The following FBXL20 variants were observed in gnomAD, a reference collection of about 807,000 sequenced individuals.
FBXL20 encodes F-box and leucine rich repeat protein 20, also known as F-box/LRR-repeat protein 20.
In FBXL20, 11 loss-of-function variants were observed where a neutral mutation model predicts 64.0. That is an observed-to-expected ratio of 0.17 (90% CI 0.11 to 0.28). FBXL20 has a LOEUF of 0.28. Among genes scored for constraint, FBXL20 ranks in the 10% least tolerant of loss-of-function variants. The probability of loss-of-function intolerance (pLI) is 1.00; values close to 1 mark genes in which losing one functional copy is unlikely to be tolerated. For synonymous variants in FBXL20, 184 were observed against 189.0 expected (o/e 0.97, Z 0.22); for missense variants, 303 against 526.2 (o/e 0.58, Z 4.15).
rs935608716 is a variant in FBXL20 at position 39,352,510 on chromosome 17, T to A, written c.43-9269A>T. ...GACTGGCCAACATGGTGAAACCCCATCTCTACTAAAAAATACAAAAATCAG... is the reference window on the plus strand; with the variant it reads ...GACTGGCCAACATGGTGAAACCCCAACTCTACTAAAAAATACAAAAATCAG... On this transcript the variant is annotated intron_variant, in intron 1 of 14. Coordinates refer to ENST00000264658, the MANE Select transcript of FBXL20 (RefSeq NM_032875.3). Among the ~76,000 whole-genome samples the A allele has an allele frequency of 5.3e-5, 8 of 151,676 alleles. 1 individual carries two copies. In the South Asian group the frequency reaches 1.5e-3, roughly 28 times the overall value.
chr17:39,300,851 G>A, intron 4 of FBXL20, 150 bp downstream of exon 4: 1 of 634,780 alleles, frequency 1.6e-6, no homozygotes, highest in Non-Finnish European at 2.6e-6. Flanking sequence ...AGAAACCCTT[G>A]GTAACTTTGG....
intron 2 of FBXL20, among the ~76,000 whole-genome samples, chr17:39,308,089 GCA>G (rs2047199029): frequency 6.6e-6 from 1 of 151,822 alleles, no homozygotes; most frequent in African/African-American, 2.4e-5. Context: ...TATAATCCTA[GCA>G]CTCTGGGAGG....
chr17:39,378,497 G>C (rs1010122620), intron 1 of FBXL20, among the ~76,000 whole-genome samples: 5 of 152,046 alleles, frequency 3.3e-5, no homozygotes, highest in Non-Finnish European at 5.9e-5. Flanking sequence ...TTCTACAAAG[G>C]AGATAGACAA....
chr17:39,338,146 T>G (rs370076634), intron 2 of FBXL20, among the ~76,000 whole-genome samples: 3 of 152,214 alleles, frequency 2.0e-5, no homozygotes, highest in East Asian at 3.8e-4. Context: ...GCCGTGTCTG[T>G]GTAGAAGGAA....
intron 1 of FBXL20, among the ~76,000 whole-genome samples, chr17:39,392,572 A>G (rs1370173777): frequency 2.0e-5 from 3 of 152,186 alleles, no homozygotes; most frequent in Non-Finnish European, 4.4e-5. Flanking sequence ...AATGCTCTAC[A>G]CTTAAGAACC....
At chr17:39,354,237 G>A (rs1346093941) in intron 1 of FBXL20, among the ~76,000 whole-genome samples, 1 of 152,190 alleles carries the variant, frequency 6.6e-6, no homozygotes, top group Non-Finnish European at 1.5e-5. Flanking sequence ...TACCAACGGG[G>A]AAAACAAATA....
chr17:39,378,270 C>T (rs781421561), intron 1 of FBXL20, among the ~76,000 whole-genome samples: 1 of 152,040 alleles, frequency 6.6e-6, no homozygotes, highest in Non-Finnish European at 1.5e-5. Context: ...GTATCCAAAA[C>T]GAAGAACTCT....
At chr17:39,387,833 C>T (rs2048097364) in intron 1 of FBXL20, among the ~76,000 whole-genome samples, 1 of 152,136 alleles carries the variant, frequency 6.6e-6, no homozygotes, top group Admixed American at 6.6e-5. Flanking sequence ...CCACCTTGGT[C>T]TCGCAAAGTG....
intron 2 of FBXL20, among the ~76,000 whole-genome samples, chr17:39,330,635 A>G (rs975934298): frequency 6.6e-6 from 1 of 152,210 alleles, no homozygotes. Context: ...AAATAAATAG[A>G]TTAATTAAAT....
intron 1 of FBXL20, among the ~76,000 whole-genome samples, chr17:39,351,139 A>T (rs1357095326): frequency 3.3e-5 from 5 of 152,132 alleles, no homozygotes; most frequent in Non-Finnish European, 5.9e-5. Flanking sequence ...GTTCGAGATC[A>T]GCCTGGCTAA....
At chr17:39,265,592 A>C in intron 12 of FBXL20, 139 bp from the exon 13 acceptor site, 1 of 509,562 alleles carries the variant, frequency 2.0e-6, no homozygotes, top group South Asian at 3.5e-5. Flanking sequence ...CTGCAGCCTA[A>C]AACTTCTGGG....
intron 1 of FBXL20, among the ~76,000 whole-genome samples, chr17:39,388,569 C>T (rs541674744): frequency 1.8e-3 from 265 of 151,100 alleles, no homozygotes; most frequent in Non-Finnish European, 3.0e-3. Flanking sequence ...TTGCAACCTC[C>T]GCCTCTCGGG....
chr17:39,379,391 A>C (rs2144651441), intron 1 of FBXL20, among the ~76,000 whole-genome samples: 1 of 149,068 alleles, frequency 6.7e-6, no homozygotes, highest in Non-Finnish European at 1.5e-5. Flanking sequence ...AGAAATTCTA[A>C]CTTTGGGAGG....
rs118114390 is a variant in FBXL20, at chr17:39,273,967, G to A, written c.827+1003C>T. ...TAGCTCACTGCTGTCTTGACCTCCTGGGCTCAAGTGATCCTCTCACTTTAG... is the reference window on the plus strand; with the variant it reads ...TAGCTCACTGCTGTCTTGACCTCCTAGGCTCAAGTGATCCTCTCACTTTAG... On this transcript the variant is annotated intron_variant, in intron 10 of 14. Coordinates refer to ENST00000264658, the MANE Select transcript of FBXL20 (RefSeq NM_032875.3). Among the ~76,000 whole-genome samples the A allele has an allele frequency of 1.8e-4, 27 of 152,110 alleles. No homozygotes were observed. In the East Asian group the frequency reaches 5.1e-3, roughly 28 times the overall value.
intron 6 of FBXL20, among the ~76,000 whole-genome samples, chr17:39,287,544 CTACAGA>C (rs2046999609): frequency 6.6e-6 from 1 of 152,112 alleles, no homozygotes; most frequent in Non-Finnish European, 1.5e-5. Flanking sequence ...GTAGCAAGGA[CTACAGA>C]TACATGCCAT....
rs2046701866 is a variant in FBXL20 at position 39,256,991 on chromosome 17, CTTTCTT to C, written c.*4463_*4468del. The stretch of plus-strand genomic sequence containing the variant: ...TAACGATGCATTTTTTTCTTTCTTT[CTTTCTT>C]TTTTTTTGAGATAGTCTCACTCTGT... On this transcript the variant is annotated 3_prime_UTR_variant, in exon 15 of 15. Coordinates refer to ENST00000264658, the MANE Select transcript of FBXL20 (RefSeq NM_032875.3). 1.3e-5 allele frequency: 2 copies of C among 151,144 alleles called. No individual in the cohort carries two copies. The highest frequency in any genetic ancestry group is 6.6e-5 in the Admixed American group (1 of 15,108). The allele number at this position is 151,144 out of a possible 1,614,324, so 9.4% of individuals were successfully genotyped here.
chr17:39,374,774 A>G (rs1288355202), intron 1 of FBXL20, among the ~76,000 whole-genome samples: 1 of 151,962 alleles, frequency 6.6e-6, no homozygotes, highest in Non-Finnish European at 1.5e-5. Flanking sequence ...GGACAGCTCA[A>G]GCTACTTTTC....
chr17:39,351,193 G>A (rs952452959), intron 1 of FBXL20, among the ~76,000 whole-genome samples: 3 of 151,912 alleles, frequency 2.0e-5, no homozygotes, highest in Non-Finnish European at 4.4e-5. Flanking sequence ...AAAATTAGCA[G>A]GGCATGGTGG....
intron 11 of FBXL20, among the ~76,000 whole-genome samples, chr17:39,269,550 G>A (rs1290329487): frequency 7.5e-6 from 1 of 133,514 alleles, no homozygotes; most frequent in East Asian, 2.3e-4. Flanking sequence ...CCAGACTGGA[G>A]TGCAATGGCA....
Sources: gnomAD v4.1 joint callset for allele counts (sites outside exome capture counted in the v4.1 genomes callset) on GRCh38, gnomAD v4.1.1 for gene constraint, MANE v1.5 for transcripts, NCBI Gene and HGNC (gene_info 2026-07-23, HGNC 2026-07-21) for gene names.